The following PDE1C variants were observed in gnomAD, a reference collection of about 807,000 sequenced individuals.
PDE1C encodes the protein phosphodiesterase 1C, also known as dual specificity calcium/calmodulin-dependent 3',5'-cyclic nucleotide phosphodiesterase 1C.
A neutral mutation model predicts 93.1 loss-of-function variants in PDE1C; 62 were observed. That is an observed-to-expected ratio of 0.67 (90% CI 0.54 to 0.82). The LOEUF (loss-of-function observed/expected upper bound fraction) is 0.82, where lower values mean the gene tolerates loss of function less well. PDE1C is among the 40% of genes least tolerant of loss of function. The pLI is 0.00. For synonymous variants in PDE1C, 325 were observed against 310.1 expected, an observed-to-expected ratio of 1.05 and a Z score of -0.50; for missense variants, 742 against 884.6, an observed-to-expected ratio of 0.84 and a Z score of 2.04.
chr7:31,858,288 T>G (rs1317646023), intron 7 of PDE1C, among the ~76,000 whole-genome samples: 1 of 152,074 alleles, frequency 6.6e-6, no homozygotes, highest in Non-Finnish European at 1.5e-5. Context: ...TGAGCAGAAG[T>G]GATGAGCAGA....
chr7:31,845,788 C>T (rs752092177), intron 9 of PDE1C, among the ~76,000 whole-genome samples: 8 of 151,964 alleles, frequency 5.3e-5, no homozygotes, highest in Non-Finnish European at 1.2e-4. Context: ...GTAAGGAGTT[C>T]GAGACCAGCC....
intron 2 of PDE1C, among the ~76,000 whole-genome samples, chr7:31,971,078 G>T (rs761861122): frequency 1.3e-4 from 20 of 152,194 alleles, no homozygotes; most frequent in Non-Finnish European, 1.8e-4. Flanking sequence ...GGAAGCAGAG[G>T]TTGCAGTGAG....
the PDE1C span, chr7:31,696,895 T>C: frequency 1.3e-6 from 2 of 1,514,948 alleles, no homozygotes; most frequent in Non-Finnish European, 1.8e-6. Context: ...TCTATAAATA[T>C]GCACAGTCCT....
At chr7:31,733,404 C>T in the PDE1C span, among the ~76,000 whole-genome samples, 54 of 152,286 alleles carry the variant, frequency 3.5e-4, 1 homozygote, top group East Asian at 5.0e-3. Flanking sequence ...AGCAGTTTCA[C>T]ATTCAGTGTT....
chr7:32,206,107 T>C (rs1050540035), intron 2 of PDE1C, among the ~76,000 whole-genome samples: 2 of 152,144 alleles, frequency 1.3e-5, no homozygotes, highest in Non-Finnish European at 2.9e-5. Context: ...ACAGAATTCA[T>C]AATTCTGGAC....
At chr7:31,674,463 A>G in the PDE1C span, among the ~76,000 whole-genome samples, 1 of 152,206 alleles carries the variant, frequency 6.6e-6, no homozygotes, top group Non-Finnish European at 1.5e-5. Flanking sequence ...ATTCCAATGA[A>G]GAGCTAAAAC....
chr7:31,761,749 G>C (rs749665214), intron 17 of PDE1C, among the ~76,000 whole-genome samples: 1 of 152,280 alleles, frequency 6.6e-6, no homozygotes, highest in African/African-American at 2.4e-5. Context: ...TAATTTTACT[G>C]TACTGGAGTT....
At chr7:31,651,847 G>T in the PDE1C span, 10 of 747,712 alleles carry the variant, frequency 1.3e-5, no homozygotes, top group Non-Finnish European at 1.7e-5. Context: ...TTAAGAAATT[G>T]CAAAGGAAGA....
rs529266295 is a variant in PDE1C, at chr7:31,928,224, A to C, written c.129-47364T>G. Among the ~76,000 whole-genome samples, 5 of 152,196 alleles carry C rather than the reference A, an allele frequency of 3.3e-5. No individual in the cohort carries two copies. The East Asian group carries it at 9.7e-4, about 30-fold the overall frequency. On this transcript the variant is annotated intron_variant, in intron 2 of 17. Coordinates refer to ENST00000396191, the MANE Select transcript of PDE1C (RefSeq NM_001191057.4). ...TATCAACTTAATGAAATGAAGAGTGAAGACAAGATTAGAGAAAAAAGAATG... is the reference window on the plus strand; with the variant it reads ...TATCAACTTAATGAAATGAAGAGTGCAGACAAGATTAGAGAAAAAAGAATG...
chr7:31,708,111 G>A, the PDE1C span: 1 of 152,174 alleles, frequency 6.6e-6, no homozygotes, highest in Admixed American at 6.5e-5. Flanking sequence ...GTTATTTTTA[G>A]CATTCTCACT....
upstream of PDE1C, among the ~76,000 whole-genome samples, chr7:32,074,007 C>CAT (rs138053211): frequency 0.018 from 2,725 of 151,904 alleles, 89 homozygotes; most frequent in African/African-American, 0.062. Context: ...TACATACATA[C>CAT]ATATATATAT....
At chr7:32,421,898 C>G (rs1785439289) in intron 1 of PDE1C, among the ~76,000 whole-genome samples, 2 of 152,274 alleles carry the variant, frequency 1.3e-5, no homozygotes, top group African/African-American at 4.8e-5. Flanking sequence ...AAATGTACCA[C>G]TGATGGCTAG....
chr7:31,708,864 AC>A, the PDE1C span, among the ~76,000 whole-genome samples: 1 of 152,084 alleles, frequency 6.6e-6, no homozygotes, highest in Admixed American at 6.6e-5. Context: ...TAATGATCTC[AC>A]CTTTTTTATT....
intron 2 of PDE1C, among the ~76,000 whole-genome samples, chr7:31,896,020 T>TACATACATACATACATACATACACACAC (rs1466998669): frequency 4.0e-5 from 6 of 151,272 alleles, no homozygotes; most frequent in African/African-American, 1.5e-4. Context: ...CATACATACA[T>TACATACATACATACATACATACACACAC]ACACACACAA....
At chr7:32,172,781 C>T (rs1384152989) in intron 2 of PDE1C, among the ~76,000 whole-genome samples, 1 of 146,806 alleles carries the variant, frequency 6.8e-6, no homozygotes, top group Non-Finnish European at 1.5e-5. Context: ...GAGATGGTGC[C>T]ATTGCACTCC....
At chr7:31,680,482 T>G in the PDE1C span, among the ~76,000 whole-genome samples, 1 of 152,214 alleles carries the variant, frequency 6.6e-6, no homozygotes, top group Non-Finnish European at 1.5e-5. Flanking sequence ...TTACTAGCTA[T>G]GTGGCATTGG....
intron 17 of PDE1C, among the ~76,000 whole-genome samples, chr7:31,756,262 G>A (rs532911091): frequency 4.6e-5 from 7 of 152,112 alleles, no homozygotes; most frequent in Non-Finnish European, 8.8e-5. Flanking sequence ...TGACACCAGT[G>A]GCATGTGATG....
chr7:31,710,662 A>G, the PDE1C span, among the ~76,000 whole-genome samples: 1 of 152,224 alleles, frequency 6.6e-6, no homozygotes, highest in Non-Finnish European at 1.5e-5. Context: ...TGGATTTTGT[A>G]GAATCTCTGT....
intron 2 of PDE1C, among the ~76,000 whole-genome samples, chr7:32,036,789 G>A (rs992522922): frequency 1.3e-5 from 2 of 152,118 alleles, no homozygotes; most frequent in African/African-American, 2.4e-5. Flanking sequence ...TACCTATTAA[G>A]GCAGAGGTTA....
Sources: gnomAD v4.1 joint callset for allele counts (sites outside exome capture counted in the v4.1 genomes callset) on GRCh38, gnomAD v4.1.1 for gene constraint, MANE v1.5 for transcripts, NCBI Gene and HGNC (gene_info 2026-07-23, HGNC 2026-07-21) for gene names.